TBC1D5: variants seen among roughly 807,000 people sequenced by gnomAD.
TBC1D5 encodes TBC1 domain family, member 5.
TBC1D5 carries 75 observed loss-of-function variants against 100.3 expected under a neutral mutation model. The ratio of observed to expected loss-of-function variants is 0.75; its 90% CI spans 0.62 to 0.91. The LOEUF is 0.91. TBC1D5 is among the 40% of genes least tolerant of loss of function. The pLI, the probability that TBC1D5 is intolerant of heterozygous loss-of-function variation, is 0.00. For synonymous variants in TBC1D5, 323 were observed against 325.6 expected, an observed-to-expected ratio of 0.99 and a Z score of 0.09; for missense variants, 910 against 942.4, an observed-to-expected ratio of 0.97 and a Z score of 0.45.
At chr3:17,405,236 G>GA (rs1310761303) in intron 5 of TBC1D5, among the ~76,000 whole-genome samples, 5 of 151,988 alleles carry the variant, frequency 3.3e-5, no homozygotes, top group Non-Finnish European at 5.9e-5. Flanking sequence ...TAAAAAGGAA[G>GA]AAAAATTCAT....
chr3:17,722,465 G>T (rs35697509), intron 1 of TBC1D5, among the ~76,000 whole-genome samples: 86,956 of 152,064 alleles, frequency 0.57, 25,675 homozygotes, highest in East Asian at 0.99. Flanking sequence ...TCACTGTGAT[G>T]CATCACAGGT....
At chr3:17,665,770 A>C (rs1181656915) in intron 1 of TBC1D5, among the ~76,000 whole-genome samples, 1 of 152,168 alleles carries the variant, frequency 6.6e-6, no homozygotes, top group Non-Finnish European at 1.5e-5. Flanking sequence ...TCACCTAAAC[A>C]ATCCAAATCT....
Position 17,321,968 on chromosome 3 carries a change from G to A in TBC1D5, c.996-13834C>T, listed in dbSNP as rs1379933808. ...TTTCTCTGTACTCTTACTTTACAGT[G>A]AGTCTGCCTGATTTACCATGAATTA... On this transcript the variant is annotated intron_variant, in intron 13 of 21. Transcript: ENST00000253692. 2.0e-5 allele frequency among the ~76,000 whole-genome samples: 3 copies of A among 152,150 alleles called. No individual in the cohort carries two copies. In the East Asian group the frequency reaches 5.8e-4, roughly 29 times the overall value.
At chr3:17,295,699 A>C (rs1271213489) in intron 14 of TBC1D5, among the ~76,000 whole-genome samples, 2 of 152,224 alleles carry the variant, frequency 1.3e-5, no homozygotes, top group African/African-American at 4.8e-5. Context: ...GTTCATATTG[A>C]GATATACTTT....
At chr3:17,615,099 G>A (rs1473291238) in intron 2 of TBC1D5, among the ~76,000 whole-genome samples, 1 of 152,200 alleles carries the variant, frequency 6.6e-6, no homozygotes, top group Non-Finnish European at 1.5e-5. Context: ...ATGAAGGGCT[G>A]TTGAATTCTG....
chr3:17,176,802 G>GAA (rs548978025), intron 19 of TBC1D5, among the ~76,000 whole-genome samples: 1 of 128,380 alleles, frequency 7.8e-6, no homozygotes, highest in Non-Finnish European at 1.7e-5. Context: ...AAGTATGATT[G>GAA]AAAAAAAAAA....
At chr3:17,532,234 A>G (rs1247238333) in intron 2 of TBC1D5, among the ~76,000 whole-genome samples, 1 of 152,228 alleles carries the variant, frequency 6.6e-6, no homozygotes, top group Non-Finnish European at 1.5e-5. Context: ...CACATGAAAA[A>G]ATGCTCATCA....
At chr3:17,428,575 G>T in intron 3 of TBC1D5, 56 bp from the exon 4 acceptor site, 8 of 951,556 alleles carry the variant, frequency 8.4e-6, no homozygotes, top group South Asian at 4.5e-5. Context: ...TATTTCAGTT[G>T]AAAAACTGTG....
chr3:17,672,128 T>A (rs1299385373), intron 1 of TBC1D5, among the ~76,000 whole-genome samples: 1 of 152,204 alleles, frequency 6.6e-6, no homozygotes, highest in Non-Finnish European at 1.5e-5. Flanking sequence ...ACCCAAATCT[T>A]AAGTGTGTAA....
chr3:17,180,199 C>T (rs1327878979), intron 19 of TBC1D5, among the ~76,000 whole-genome samples: 1 of 152,198 alleles, frequency 6.6e-6, no homozygotes, highest in African/African-American at 2.4e-5. Context: ...TGTCTCTAAA[C>T]CTTTGAATTC....
intron 13 of TBC1D5, among the ~76,000 whole-genome samples, chr3:17,311,340 T>C (rs1036763564): frequency 6.6e-6 from 1 of 152,032 alleles, no homozygotes; most frequent in Admixed American, 6.6e-5. Flanking sequence ...TAATAATTCA[T>C]ATTTTACCAT....
At chr3:17,518,848 G>A (rs930527529) in intron 2 of TBC1D5, 2 of 152,364 alleles carry the variant, frequency 1.3e-5, no homozygotes, top group Admixed American at 1.3e-4. Flanking sequence ...GGGGCCCGAA[G>A]TTTGCTCCTA....
chr3:17,563,823 C>T (rs921098760), intron 2 of TBC1D5, among the ~76,000 whole-genome samples: 1 of 152,080 alleles, frequency 6.6e-6, no homozygotes, highest in East Asian at 1.9e-4. Flanking sequence ...CCCTCTGTTG[C>T]CCAGGCTGGA....
intron 13 of TBC1D5, among the ~76,000 whole-genome samples, chr3:17,326,158 T>C (rs1393665228): frequency 6.6e-6 from 1 of 152,134 alleles, no homozygotes; most frequent in Non-Finnish European, 1.5e-5. Context: ...GAATCCAGCA[T>C]AAAATTTGTT....
rs74283413 is a variant in TBC1D5, at chr3:17,213,126, T to C, written c.1752+1081A>G. ...ACCTTATATTTTTCTGTACCTTTTA[T>C]ATGTTTAGATACAAAAATACTTAAC... On this transcript the variant is annotated intron_variant, in intron 18 of 21. Transcript: ENST00000253692. Among the ~76,000 whole-genome samples the C allele has an allele frequency of 2.6e-5, 4 of 152,234 alleles. No homozygotes were observed. In the East Asian group the frequency reaches 7.7e-4, roughly 29 times the overall value.
chr3:17,554,686 T>C (rs1452925220), intron 2 of TBC1D5, among the ~76,000 whole-genome samples: 1 of 152,162 alleles, frequency 6.6e-6, no homozygotes, highest in Non-Finnish European at 1.5e-5. Flanking sequence ...TTTACACAAA[T>C]GGGATTTGGC....
intron 3 of TBC1D5, among the ~76,000 whole-genome samples, chr3:17,435,569 A>C (rs1007620347): frequency 6.6e-6 from 1 of 152,238 alleles, no homozygotes; most frequent in African/African-American, 2.4e-5. Context: ...CAAGAACAGC[A>C]GCATGGGGGT....
rs548577195 is a variant in TBC1D5, at chr3:17,720,228, T to C, written c.-101+19115A>G. On this transcript the variant is annotated intron_variant, in intron 1 of 21. Transcript: ENST00000253692. ...TAAATCAAGAAATGGCTGCTTTGTT[T>C]TCAATGTCTCTGTAACCTGAAAAAA... Among the ~76,000 whole-genome samples, 11 of 152,328 alleles carry C rather than the reference T, an allele frequency of 7.2e-5. No individual in the cohort carries two copies. The South Asian group carries it at 2.3e-3, about 32-fold the overall frequency.
chr3:17,476,209 T>A (rs192563154), intron 3 of TBC1D5, among the ~76,000 whole-genome samples: 1 of 151,882 alleles, frequency 6.6e-6, no homozygotes, highest in Admixed American at 6.6e-5. Context: ...TAATTCTATA[T>A]ATATATTTTT....
Sources: allele counts gnomAD v4.1 joint callset (sites outside exome capture counted in the v4.1 genomes callset), GRCh38; gene constraint gnomAD v4.1.1; transcripts MANE v1.5; gene names NCBI Gene and HGNC (gene_info 2026-07-23, HGNC 2026-07-21).